INVS: variants seen among roughly 807,000 people sequenced by gnomAD.
INVS encodes the protein inversin, also known as inversion of embryo turning homolog.
In INVS, 86 loss-of-function variants were observed where a neutral mutation model predicts 108.8. The observed-to-expected ratio is 0.79, with a 90% confidence interval of 0.66 to 0.95. INVS has a LOEUF of 0.95. Ranked by LOEUF, INVS falls within the 40% of genes least tolerant of loss-of-function variation. The pLI is 0.00. For synonymous variants in INVS, 455 were observed against 473.5 expected, an observed-to-expected ratio of 0.96 and a Z score of 0.51; for missense variants, 1,169 against 1,297.4, an observed-to-expected ratio of 0.90 and a Z score of 1.52.
chr9:100,145,155 A>G (rs921224448), intron 3 of INVS, among the ~76,000 whole-genome samples: 1 of 152,004 alleles, frequency 6.6e-6, no homozygotes, highest in Non-Finnish European at 1.5e-5. Flanking sequence ...AAGGGAGAAG[A>G]AGGAGGAATG....
At chr9:100,258,603 A>T (rs1323433482) in intron 10 of INVS, among the ~76,000 whole-genome samples, 1 of 152,094 alleles carries the variant, frequency 6.6e-6, no homozygotes, top group Non-Finnish European at 1.5e-5. Flanking sequence ...TTTGGTGTGG[A>T]TGTCCTTTCT....
At chr9:100,267,500 A>G (rs1832830663) in intron 11 of INVS, among the ~76,000 whole-genome samples, 1 of 152,212 alleles carries the variant, frequency 6.6e-6, no homozygotes, top group Non-Finnish European at 1.5e-5. Context: ...TGTTGTCTAT[A>G]TCCACATTGT....
chr9:100,173,133 GGCT>G (rs1305445461), intron 3 of INVS, among the ~76,000 whole-genome samples: 3 of 152,164 alleles, frequency 2.0e-5, no homozygotes, highest in Admixed American at 6.6e-5. Flanking sequence ...AAGTAGCAAT[GGCT>G]TTTGAAAATG....
intron 10 of INVS, among the ~76,000 whole-genome samples, chr9:100,259,769 C>T (rs112940677): frequency 3.8e-4 from 58 of 152,088 alleles, no homozygotes; most frequent in Non-Finnish European, 6.5e-4. Flanking sequence ...AGGCTGGTCT[C>T]GAACTCCTGA....
In INVS at chr9:100,152,832, T is replaced by C. The variant is rs371452031; in HGVS notation, c.273+26283T>C. 2.6e-5 allele frequency among the ~76,000 whole-genome samples: 4 copies of C among 152,340 alleles called. No individual in the cohort carries two copies. In the East Asian group the frequency reaches 5.8e-4, roughly 22 times the overall value. ...AAACAATTACAGATTTCAGAAGATA[T>C]GGTTTGGGTCCTTTTATTCAAGTCT... On this transcript the variant is annotated intron_variant, in intron 3 of 16. Transcript: ENST00000262457.
chr9:100,194,501 G>C (rs1433827615), intron 3 of INVS, among the ~76,000 whole-genome samples: 1 of 130,434 alleles, frequency 7.7e-6, no homozygotes, highest in Non-Finnish European at 1.8e-5. Flanking sequence ...ATTAAAATGA[G>C]GGTTTTTTTT....
chr9:100,273,643 T>G (rs1320847212), intron 12 of INVS, among the ~76,000 whole-genome samples: 1 of 144,740 alleles, frequency 6.9e-6, no homozygotes, highest in Non-Finnish European at 1.5e-5. Flanking sequence ...GTTCAAGCAA[T>G]TCTCCTGCCT....
chr9:100,260,960 T>C (rs1211590536), intron 10 of INVS, among the ~76,000 whole-genome samples: 3 of 152,204 alleles, frequency 2.0e-5, no homozygotes, highest in African/African-American at 7.2e-5. Context: ...ATGATTAGGC[T>C]CTCATATATA....
chr9:100,113,590 GTTTT>G (rs913899000), intron 2 of INVS, among the ~76,000 whole-genome samples: 1 of 150,390 alleles, frequency 6.6e-6, no homozygotes, highest in Non-Finnish European at 1.5e-5. Context: ...TTGTTTGTTT[GTTTT>G]AGTTTTAATT....
At chr9:100,175,546 A>G (rs1829684082) in intron 3 of INVS, 2 of 735,394 alleles carry the variant, frequency 2.7e-6, no homozygotes, top group Admixed American at 1.8e-5. Flanking sequence ...AATCTTAGCT[A>G]CAAACAGGTT....
At chr9:100,257,006 G>A (rs914444887) in intron 10 of INVS, among the ~76,000 whole-genome samples, 1 of 152,096 alleles carries the variant, frequency 6.6e-6, no homozygotes, top group Non-Finnish European at 1.5e-5. Context: ...GTTGACAGTG[G>A]GGTGTTAAAG....
chr9:100,261,512 C>T (rs1832622291), intron 10 of INVS, among the ~76,000 whole-genome samples: 1 of 152,120 alleles, frequency 6.6e-6, no homozygotes, highest in Admixed American at 6.5e-5. Flanking sequence ...TGTGATCCGC[C>T]TGCCTTAGCC....
chr9:100,100,331 A>G (rs1020608067), intron 1 of INVS, among the ~76,000 whole-genome samples: 4 of 151,486 alleles, frequency 2.6e-5, no homozygotes, highest in African/African-American at 9.7e-5. Flanking sequence ...TAACTCCTAG[A>G]CTAGTGCTCC....
intron 3 of INVS, among the ~76,000 whole-genome samples, chr9:100,205,799 A>G (rs1830658289): frequency 6.6e-6 from 1 of 152,032 alleles, no homozygotes; most frequent in African/African-American, 2.4e-5. Flanking sequence ...TATTCAAAAA[A>G]TGTTTATGTA....
rs1292147160 is a variant in INVS at position 100,264,822 on chromosome 9, G to T, written c.1465G>T (p.Gly489Ter). 19 of 1,607,898 alleles carry T rather than the reference G, an allele frequency of 1.2e-5. No homozygotes were observed. The highest frequency in any genetic ancestry group is 1.4e-5 in the Non-Finnish European group (17 of 1,174,450). Residue 489 changes from glycine (G) to a stop codon, truncating the protein, a stop_gained and splice_region_variant, in exon 11 of 17, where the codon GGA becomes TGA. Transcript: ENST00000262457. LOFTEE classifies it high-confidence loss of function. ...NADPNIQDKE[G>*]RTALHWSCNN... ...ACTTGATTTTTGTTTATGCTTATAG[G>T]GAAGAACAGCTTTGCATTGGTCCTG...
intron 3 of INVS, chr9:100,176,014 A>C (rs1171293647): frequency 1.1e-5 from 6 of 539,926 alleles, no homozygotes; most frequent in Admixed American, 7.8e-5. Context: ...CCATAGATTT[A>C]TTCCTAAACT....
At chr9:100,209,159 T>A (rs1188703783) in intron 3 of INVS, among the ~76,000 whole-genome samples, 1 of 152,098 alleles carries the variant, frequency 6.6e-6, no homozygotes, top group East Asian at 1.9e-4. Flanking sequence ...TTGTGCAGTA[T>A]TGGGAAAAAG....
At position 100,214,769 on chromosome 9, in the gene INVS, G is replaced by A. The variant is rs577174731; in HGVS notation, c.274-11293G>A. Reference sequence around the variant, plus strand: ...GCACATGGTCAGAGATAAAACAGACGCAGGTCAGATGGCTGGCCTCAGCTG... The same window carrying A: ...GCACATGGTCAGAGATAAAACAGACACAGGTCAGATGGCTGGCCTCAGCTG... On this transcript the variant is annotated intron_variant, in intron 3 of 16. Transcript: ENST00000262457. Among the ~76,000 whole-genome samples, 7 of 152,316 alleles carry A rather than the reference G, an allele frequency of 4.6e-5. No individual in the cohort carries two copies. The South Asian group carries it at 1.2e-3, about 27-fold the overall frequency.
At chr9:100,211,153 A>G (rs1588091435) in intron 3 of INVS, among the ~76,000 whole-genome samples, 1 of 147,904 alleles carries the variant, frequency 6.8e-6, no homozygotes, top group East Asian at 1.9e-4. Context: ...AGTTTAAGAC[A>G]AAAAAAAAAT....
Sources: gnomAD v4.1 joint callset for allele counts (sites outside exome capture counted in the v4.1 genomes callset) on GRCh38, gnomAD v4.1.1 for gene constraint, MANE v1.5 for transcripts, NCBI Gene and HGNC (gene_info 2026-07-23, HGNC 2026-07-21) for gene names.